PRKCB: variants seen among roughly 807,000 people sequenced by gnomAD.
PRKCB encodes the protein protein kinase C beta type.
In PRKCB, 13 loss-of-function variants were observed where a neutral mutation model predicts 81.5. The ratio of observed to expected loss-of-function variants is 0.16; its 90% CI spans 0.10 to 0.25. The LOEUF is 0.25. Among genes scored for constraint, PRKCB ranks in the 10% least tolerant of loss-of-function variants. PRKCB has a pLI of 1.00. For missense variants in PRKCB, 509 were observed against 875.7 expected (o/e 0.58, Z 5.29); for synonymous variants, 335 against 321.4 (o/e 1.04, Z -0.45).
Position 24,217,763 on chromosome 16 carries a change from A to G in PRKCB, c.*2947A>G. On this transcript the variant is annotated 3_prime_UTR_variant, in exon 17 of 17. Transcript: ENST00000643927. ...GAAATAGGGTTGATGAGACCAGGGG[A>G]GACCTAAAAAAAAGGCAGCTTTGTG... is the stretch of plus-strand genomic sequence containing the variant. 4 of 985,424 alleles carry G rather than the reference A, an allele frequency of 4.1e-6. No homozygotes were observed. Among genetic ancestry groups the G allele is most frequent in the Non-Finnish European group, 4.8e-6 (4 of 829,940 alleles). 61.0% of individuals were successfully genotyped at this position (985,424 alleles called of 1,614,324 possible). A position where few individuals can be genotyped will look rare whatever the true frequency, so the allele number is the denominator to read the frequency against.
At chr16:24,150,336 GAAAACAAAAC>G (rs765766533) in intron 9 of PRKCB, among the ~76,000 whole-genome samples, 1 of 151,956 alleles carries the variant, frequency 6.6e-6, no homozygotes, top group Non-Finnish European at 1.5e-5. Context: ...ACGAAAAACA[GAAAACAAAAC>G]AAAACAAAAC....
chr16:23,877,803 A>G (rs1963040142), intron 2 of PRKCB, among the ~76,000 whole-genome samples: 1 of 151,646 alleles, frequency 6.6e-6, no homozygotes, highest in African/African-American at 2.4e-5. Flanking sequence ...TTTAAGACTG[A>G]CAGTACTCTG....
chr16:24,119,889 T>C (rs1350528985), intron 8 of PRKCB, among the ~76,000 whole-genome samples: 4 of 152,066 alleles, frequency 2.6e-5, no homozygotes, highest in African/African-American at 4.8e-5. Context: ...CCTCAACATA[T>C]CTTACTGCAA....
intron 5 of PRKCB, among the ~76,000 whole-genome samples, chr16:24,044,079 G>T (rs1376125891): frequency 1.3e-5 from 2 of 152,110 alleles, no homozygotes; most frequent in Non-Finnish European, 2.9e-5. Flanking sequence ...ATTAGGCCAG[G>T]CGCGGTGGCT....
chr16:23,837,535 ATTC>A, intron 2 of PRKCB, 129 bp downstream of exon 2: 1 of 1,163,824 alleles, frequency 8.6e-7, no homozygotes, highest in East Asian at 2.5e-5. Flanking sequence ...CAGGCTAGGA[ATTC>A]TTCACCACAA....
At chr16:24,142,854 G>A (rs1966922976) in intron 9 of PRKCB, among the ~76,000 whole-genome samples, 1 of 152,128 alleles carries the variant, frequency 6.6e-6, no homozygotes, top group South Asian at 2.1e-4. Flanking sequence ...TAAGATAGAG[G>A]GAGGGTACAC....
At chr16:24,174,045 G>A (rs1967488795) in intron 11 of PRKCB, among the ~76,000 whole-genome samples, 1 of 152,136 alleles carries the variant, frequency 6.6e-6, no homozygotes, top group African/African-American at 2.4e-5. Flanking sequence ...GTCTCACTCT[G>A]TTGCTCAGAC....
intron 8 of PRKCB, among the ~76,000 whole-genome samples, chr16:24,119,345 C>T (rs955695375): frequency 6.6e-6 from 1 of 151,728 alleles, no homozygotes; most frequent in Non-Finnish European, 1.5e-5. Context: ...CCTCTTCCCA[C>T]CCCCCCAAAA....
At chr16:23,890,609 C>A (rs1963278431) in intron 2 of PRKCB, among the ~76,000 whole-genome samples, 1 of 152,152 alleles carries the variant, frequency 6.6e-6, no homozygotes, top group Non-Finnish European at 1.5e-5. Context: ...AGCTCCAATC[C>A]TAATGCCCGT....
intron 3 of PRKCB, among the ~76,000 whole-genome samples, chr16:24,012,203 A>G (rs1965212590): frequency 6.6e-6 from 1 of 152,186 alleles, no homozygotes; most frequent in South Asian, 2.1e-4. Flanking sequence ...ATTATAGCTG[A>G]CATGTATGTA....
chr16:24,218,408 T>G lies in PRKCB; in HGVS notation c.*3592T>G, dbSNP rs1968266970. ...CAAGACAAAAAGGGCAGGTGGGACATGGTAGAGATGGACCCTACCCAGGAA... is the reference window on the plus strand; with the variant it reads ...CAAGACAAAAAGGGCAGGTGGGACAGGGTAGAGATGGACCCTACCCAGGAA... On this transcript the variant is annotated 3_prime_UTR_variant, in exon 17 of 17. Transcript: ENST00000643927. The G allele has an allele frequency of 2.0e-6, 2 of 985,120 alleles. No homozygotes were observed. Among genetic ancestry groups the G allele is most frequent in the South Asian group, 9.4e-5 (2 of 21,280 alleles). 61.0% of individuals were successfully genotyped at this position (985,120 alleles called of 1,614,324 possible). A position where few individuals can be genotyped will look rare whatever the true frequency, so the allele number is the denominator to read the frequency against.
chr16:24,182,047 A>G (rs2141973360), intron 13 of PRKCB, among the ~76,000 whole-genome samples: 1 of 152,314 alleles, frequency 6.6e-6, no homozygotes. Context: ...TAAAAATAAT[A>G]AGGCTTTACT....
At chr16:23,931,713 C>T (rs1397395980) in intron 2 of PRKCB, among the ~76,000 whole-genome samples, 1 of 152,158 alleles carries the variant, frequency 6.6e-6, no homozygotes, top group Non-Finnish European at 1.5e-5. Flanking sequence ...CCTTTTACTT[C>T]CCGGCCTTCT....
rs142736011 is a variant in PRKCB, at chr16:23,897,199, G to A, written c.205+59793G>A. ...GAGTGGGATGGGCCAGGGGCATGGG[G>A]AAGGCACACGTGCTGTGCTCTGTAG... On this transcript the variant is annotated intron_variant, in intron 2 of 16. Transcript: ENST00000643927. 2.3e-3 allele frequency among the ~76,000 whole-genome samples: 354 copies of A among 152,332 alleles called. 2 individuals are homozygous for A. The highest frequency in any genetic ancestry group is 4.2e-3 in the Non-Finnish European group (285 of 68,028).
chr16:23,893,770 C>T (rs1963330558), intron 2 of PRKCB: 1 of 152,178 alleles, frequency 6.6e-6, no homozygotes. Context: ...TTAATTACTG[C>T]ATAGATTTCT....
At chr16:24,030,403 G>T (rs1007431706) in intron 3 of PRKCB, among the ~76,000 whole-genome samples, 51 of 152,018 alleles carry the variant, frequency 3.4e-4, no homozygotes, top group African/African-American at 1.1e-3. Flanking sequence ...GGGAGGAGGG[G>T]GCTTAGCTGG....
chr16:23,914,704 T>C lies in PRKCB; in HGVS notation c.206-73804T>C, dbSNP rs149632319. 1.6e-4 allele frequency among the ~76,000 whole-genome samples: 24 copies of C among 152,262 alleles called. No individual in the cohort carries two copies. The East Asian group carries it at 4.6e-3, about 29-fold the overall frequency. ...CCCTTAGAACAGGGAGCTTTCAATA[T>C]GTGTTGGCCACAGCTCTTGTGCCCA... On this transcript the variant is annotated intron_variant, in intron 2 of 16. Transcript: ENST00000643927.
chr16:24,113,000 C>A lies in PRKCB; in HGVS notation c.849C>A (p.Gly283=). The A allele has an allele frequency of 1.2e-6, 2 of 1,612,006 alleles. No homozygotes were observed. The highest frequency in any genetic ancestry group is 1.1e-5 in the South Asian group (1 of 90,854). ...TTAAGTTACTGAGCCAGGAGGAAGG[C>A]GAGTACTTCAATGTGCCTGTGCCAC... The part of the protein sequence containing the change: ...GWFKLLSQEE[G]EYFNVPVPPE... The change falls in exon 8 of 17, where the codon GGC becomes GGA. Residue 283 remains glycine, a synonymous_variant. Transcript: ENST00000643927.
At chr16:23,870,021 G>GAA (rs11406537) in intron 2 of PRKCB, among the ~76,000 whole-genome samples, 1,964 of 142,232 alleles carry the variant, frequency 0.014, 18 homozygotes, top group Middle Eastern at 0.049. Context: ...GACTCCATCT[G>GAA]AAAAAAAAAA....
Sources: gnomAD v4.1 joint callset for allele counts (sites outside exome capture counted in the v4.1 genomes callset) on GRCh38, gnomAD v4.1.1 for gene constraint, MANE v1.5 for transcripts, NCBI Gene and HGNC (gene_info 2026-07-23, HGNC 2026-07-21) for gene names.